The following FCRLA variants were observed in gnomAD, a reference collection of about 807,000 sequenced individuals.
FCRLA encodes Fc receptor like A, also known as Fc receptor-like A.
FCRLA carries 26 observed loss-of-function variants against 28.4 expected under a neutral mutation model. That is an observed-to-expected ratio of 0.91 (90% confidence interval 0.67 to 1.27). The LOEUF (loss-of-function observed/expected upper bound fraction) is 1.27, where lower values mean the gene tolerates loss of function less well. Ranked by LOEUF, FCRLA falls within the 50% of genes most tolerant of loss-of-function variation. FCRLA has a pLI of 0.00. For missense variants in FCRLA, 422 were observed against 433.1 expected, an observed-to-expected ratio of 0.97 and a Z score of 0.23; for synonymous variants, 174 against 168.5, an observed-to-expected ratio of 1.03 and a Z score of -0.25.
intron 1 of FCRLA, 77 bp from the exon 2 acceptor site, chr1:161,710,683 G>T: frequency 1.9e-6 from 3 of 1,577,292 alleles, no homozygotes; most frequent in Non-Finnish European, 2.6e-6. Context: ...ATTATCCTGG[G>T]AGATGGAGGA....
chr1:161,712,092 G>A lies in FCRLA; in HGVS notation c.658G>A (p.Gly220Arg). ...GGATGGAAGGATAGTGCAAAGCAGG[G>A]GGCTCTCCTCAGAATTCCAGATCCC... The part of the protein sequence containing the change: ...YKDGRIVQSR[G>R]LSSEFQIPTA... The change falls in exon 4 of 5, where the codon GGG becomes AGG. Residue 220 changes from glycine to arginine, a missense_variant. Physicochemically the swap from Gly to Arg is moderately radical, Grantham distance 125 (BLOSUM62 -2). Transcript: ENST00000236938. 1 of 1,614,150 alleles carries A rather than the reference G, an allele frequency of 6.2e-7. No individual in the cohort carries two copies. The highest frequency in any genetic ancestry group is 8.5e-7 in the Non-Finnish European group (1 of 1,180,038).
chr1:161,713,403 C>T lies in FCRLA; in HGVS notation c.*23C>T. 3 of 1,563,546 alleles carry T rather than the reference C, an allele frequency of 1.9e-6. No homozygotes were observed. The highest frequency in any genetic ancestry group is 2.6e-6 in the Non-Finnish European group (3 of 1,145,310). ...TAGAAGTAAACAGTTCATCCATGAT[C>T]TCACTTAACCACCCCAATAAATCTG... is the stretch of plus-strand genomic sequence containing the variant. On this transcript the variant is annotated 3_prime_UTR_variant, in exon 5 of 5. Transcript: ENST00000236938.
intron 1 of FCRLA, among the ~76,000 whole-genome samples, chr1:161,709,363 C>A (rs1418234147): frequency 6.6e-6 from 1 of 152,152 alleles, no homozygotes; most frequent in Non-Finnish European, 1.5e-5. Context: ...AACTCCTGGG[C>A]TCAAGGGATC....
intron 3 of FCRLA, 113 bp from the exon 4 acceptor site, chr1:161,711,821 T>C: frequency 1.6e-6 from 2 of 1,277,890 alleles, no homozygotes; most frequent in Non-Finnish European, 1.1e-6. Context: ...AGAGAGCCCA[T>C]TCCTGCTGGA....
Position 161,711,409 on chromosome 1 carries a change from G to T in FCRLA, c.434G>T (p.Gly145Val). ...GACAGCGGGCACTACCACTGCAGTG[G>T]CATCTTCCAGAGCCCTGGTCCTGGG... ...KADSGHYHCS[G>V]IFQSPGPGIP... The change falls in exon 3 of 5, where the codon GGC becomes GTC. Residue 145 changes from glycine (G) to valine (V), a missense_variant. Gly to Val is a moderately radical substitution (Grantham distance 109). This residue lies in a region of FCRLA where 231 missense variants were observed against 214.6 expected (regional missense o/e 1.08). Coordinates refer to ENST00000236938, the MANE Select transcript of FCRLA (RefSeq NM_032738.4). The T allele has an allele frequency of 6.2e-7, 1 of 1,614,238 alleles. No homozygotes were observed. Among genetic ancestry groups the T allele is most frequent in the South Asian group, 1.1e-5 (1 of 91,084 alleles).
rs149653658 is a variant in FCRLA, at chr1:161,713,202, C to T, written c.902C>T (p.Ser301Phe). Residue 301 changes from serine to phenylalanine, a missense_variant, in exon 5 of 5, where the codon TCT (serine) becomes TTT (phenylalanine). Physicochemically the swap from Ser to Phe is radical, Grantham distance 155. Transcript: ENST00000236938. Reference sequence around the variant, plus strand: ...CTGCCTCCGCCGCCAACCCCATCTTCTGAGGATCCAGGCTTTTCTTCTCCT... The same window carrying T: ...CTGCCTCCGCCGCCAACCCCATCTTTTGAGGATCCAGGCTTTTCTTCTCCT... The part of the protein sequence containing the change: ...GPLPPPPTPS[S>F]EDPGFSSPLG... 1.4e-4 allele frequency: 223 copies of T among 1,614,254 alleles called. 1 individual carries two copies. The African/African-American group carries it at 2.3e-3, about 17-fold the overall frequency.
rs1482750202 is a variant in FCRLA at position 161,709,231 on chromosome 1, A to G, written c.80-1529A>G. Among the ~76,000 whole-genome samples, 3 of 152,238 alleles carry G rather than the reference A, an allele frequency of 2.0e-5. No homozygotes were observed. The East Asian group carries it at 5.8e-4, about 29-fold the overall frequency. On this transcript the variant is annotated intron_variant, in intron 1 of 4. Coordinates refer to ENST00000236938, the MANE Select transcript of FCRLA (RefSeq NM_032738.4). ...CAACCTTGACCTCTTGGGCTTAAGCAATCGTCCTATCTCAGCCTCCCAAGT... is the reference window on the plus strand; with the variant it reads ...CAACCTTGACCTCTTGGGCTTAAGCGATCGTCCTATCTCAGCCTCCCAAGT...
In FCRLA at chr1:161,713,411, A is replaced by G. The variant is rs1350081193; in HGVS notation, c.*31A>G. The G allele has an allele frequency of 2.6e-6, 4 of 1,545,264 alleles. No homozygotes were observed. The highest frequency in any genetic ancestry group is 1.7e-4 in the Middle Eastern group (1 of 5,822). On this transcript the variant is annotated 3_prime_UTR_variant, in exon 5 of 5. Transcript: ENST00000236938. Reference sequence around the variant, plus strand: ...AACAGTTCATCCATGATCTCACTTAACCACCCCAATAAATCTGATTCTTTA... The same window carrying G: ...AACAGTTCATCCATGATCTCACTTAGCCACCCCAATAAATCTGATTCTTTA...
rs1014200096 is a variant in FCRLA at position 161,713,821 on chromosome 1, G to A, written c.*441G>A. On this transcript the variant is annotated 3_prime_UTR_variant, in exon 5 of 5. Transcript: ENST00000236938. ...CCAGTAAATAGAAGCCAGGGGTGCC[G>A]CTAAACATCCTATAATGCACAGGGC... 7 of 159,438 alleles carry A rather than the reference G, an allele frequency of 4.4e-5. No homozygotes were observed. Among genetic ancestry groups the A allele is most frequent in the African/African-American group, 7.2e-5 (3 of 41,430 alleles). The allele number at this position is 159,438 out of a possible 1,614,324, so 9.9% of individuals were successfully genotyped here.
chr1:161,713,599 G>T lies in FCRLA; in HGVS notation c.*219G>T. ...TCTCTTAACACAACAGAATTCTGCT[G>T]TCTAGATCAGGAATTTCTATCTGTT... On this transcript the variant is annotated 3_prime_UTR_variant, in exon 5 of 5. Transcript: ENST00000236938. 2.1e-6 allele frequency: 1 copy of T among 478,080 alleles called. No individual in the cohort carries two copies. Among genetic ancestry groups the T allele is most frequent in the Non-Finnish European group, 3.7e-6 (1 of 271,448 alleles). The allele number at this position is 478,080 out of a possible 1,614,324, so 29.6% of individuals were successfully genotyped here.
In FCRLA at chr1:161,713,967, T is replaced by C. The variant is rs1683234821; in HGVS notation, c.*587T>C. 1.3e-5 allele frequency: 2 copies of C among 152,464 alleles called. No homozygotes were observed. The highest frequency in any genetic ancestry group is 4.8e-5 in the African/African-American group (2 of 41,476). The allele number at this position is 152,464 out of a possible 1,614,324, so 9.4% of individuals were successfully genotyped here. On this transcript the variant is annotated 3_prime_UTR_variant, in exon 5 of 5. Transcript: ENST00000236938. Reference sequence around the variant, plus strand: ...AATGGGACTTTGTCCCTTCTAATTATTATCTCTTTCCAGCCTCATTCAGCT... The same window carrying C: ...AATGGGACTTTGTCCCTTCTAATTACTATCTCTTTCCAGCCTCATTCAGCT...
Position 161,707,229 on chromosome 1 carries a change from A to G in FCRLA, c.-36A>G, listed in dbSNP as rs754228292. The G allele has an allele frequency of 7.1e-5, 114 of 1,613,942 alleles. 1 individual carries two copies. The highest frequency in any genetic ancestry group is 5.0e-4 in the Middle Eastern group (3 of 6,030). ...GAGAGGTTTCATGTTGAAGAAAATC[A>G]GTGTTGGGGTTGCAGGAGACCTAAA... On this transcript the variant is annotated 5_prime_UTR_variant, in exon 1 of 5. Transcript: ENST00000236938.
At chr1:161,710,279 G>A (rs1361887959) in intron 1 of FCRLA, 1 of 604,036 alleles carries the variant, frequency 1.7e-6, no homozygotes, top group Non-Finnish European at 3.0e-6. Context: ...TTCTAAGTGT[G>A]TTTCTTTAAG....
At chr1:161,711,781 A>G in intron 3 of FCRLA, 153 bp from the exon 4 acceptor site, 1 of 1,004,240 alleles carries the variant, frequency 1.0e-6, no homozygotes, top group Non-Finnish European at 1.5e-6. Context: ...CTACTTACAG[A>G]AAGAACTTGA....
Position 161,713,281 on chromosome 1 carries a change from C to T in FCRLA, c.981C>T (p.His327=), listed in dbSNP as rs1464620042. 1.2e-6 allele frequency: 2 copies of T among 1,614,246 alleles called. No individual in the cohort carries two copies. Among genetic ancestry groups the T allele is most frequent in the East Asian group, 2.2e-5 (1 of 44,892 alleles). The change falls in exon 5 of 5, where the codon CAC becomes CAT. Residue 327 remains histidine, a synonymous_variant. Coordinates refer to ENST00000236938, the MANE Select transcript of FCRLA (RefSeq NM_032738.4). ...ACCAGATGGGCCTTCTTCTCAAACACATGCAGGATGTGAGAGTCCTCCTCG... is the reference window on the plus strand; with the variant it reads ...ACCAGATGGGCCTTCTTCTCAAACATATGCAGGATGTGAGAGTCCTCCTCG... ...LYHQMGLLLK[H]MQDVRVLLGH...
At chr1:161,712,980 G>T in intron 4 of FCRLA, 105 bp from the exon 5 acceptor site, 1 of 1,322,358 alleles carries the variant, frequency 7.6e-7, no homozygotes, top group Non-Finnish European at 1.0e-6. Context: ...GCTGCCATTG[G>T]GCCCCACAGC....
At position 161,713,251 on chromosome 1, in the gene FCRLA, G is replaced by A. The variant is rs180760848; in HGVS notation, c.951G>A (p.Leu317=). 3 of 1,614,082 alleles carry A rather than the reference G, an allele frequency of 1.9e-6. No individual in the cohort carries two copies. The highest frequency in any genetic ancestry group is 1.3e-5 in the African/African-American group (1 of 74,912). ...SSPLGMPDPH[L]YHQMGLLLKH... is the part of the protein sequence containing the mutation. ...CTCTGGGGATGCCAGATCCTCATCTGTATCACCAGATGGGCCTTCTTCTCA... is the reference window on the plus strand; with the variant it reads ...CTCTGGGGATGCCAGATCCTCATCTATATCACCAGATGGGCCTTCTTCTCA... The change falls in exon 5 of 5, where the codon CTG becomes CTA. Residue 317 remains leucine (L), a synonymous_variant. Transcript: ENST00000236938.
At chr1:161,712,715 G>T (rs907983197) in intron 4 of FCRLA, among the ~76,000 whole-genome samples, 2 of 152,200 alleles carry the variant, frequency 1.3e-5, no homozygotes, top group African/African-American at 4.8e-5. Flanking sequence ...GCCAGCAGAG[G>T]TGTCCTCAAA....
chr1:161,707,406 C>G, intron 1 of FCRLA, 63 bp downstream of exon 1: 4 of 1,501,292 alleles, frequency 2.7e-6, no homozygotes, highest in South Asian at 2.7e-5. Flanking sequence ...GAGAAAGGAC[C>G]AGAAGGAAAG....
Sources: gnomAD v4.1 joint callset for allele counts (sites outside exome capture counted in the v4.1 genomes callset) on GRCh38, gnomAD v4.1.1 for gene constraint, gnomAD v4.1.1 regional missense constraint, MANE v1.5 for transcripts, NCBI Gene and HGNC (gene_info 2026-07-23, HGNC 2026-07-21) for gene names.